The following OR1J2 variants were observed in gnomAD, a reference collection of about 807,000 sequenced individuals.
OR1J2 encodes the protein olfactory receptor family 1 subfamily J member 2.
For synonymous variants in OR1J2, 142 were observed against 99.7 expected (o/e 1.42, Z -2.52); for missense variants, 304 against 246.1 (o/e 1.24, Z -1.57).
the OR1J2 span, among the ~76,000 whole-genome samples, chr9:122,490,782 A>C: frequency 6.6e-6 from 1 of 152,224 alleles, no homozygotes; most frequent in African/African-American, 2.4e-5. Context: ...GGACCTTAGA[A>C]GCCATATTGA....
At chr9:122,553,517 A>G in the OR1J2 span, 13 of 1,613,950 alleles carry the variant, frequency 8.1e-6, no homozygotes, top group Non-Finnish European at 1.1e-5. Context: ...GGTGTCTTGC[A>G]CAGCTATATT....
downstream of OR1J2, among the ~76,000 whole-genome samples, chr9:122,512,718 C>G (rs1828654481): frequency 6.6e-6 from 1 of 152,090 alleles, no homozygotes; most frequent in South Asian, 2.1e-4. Context: ...ATCACGCCAA[C>G]CTATATATGT....
At chr9:122,492,933 TG>T in the OR1J2 span, among the ~76,000 whole-genome samples, 2 of 152,180 alleles carry the variant, frequency 1.3e-5, no homozygotes, top group African/African-American at 4.8e-5. Context: ...TGCTGGATTT[TG>T]TCAAATGCTT....
At chr9:122,575,913 G>A in the OR1J2 span, among the ~76,000 whole-genome samples, 1 of 151,994 alleles carries the variant, frequency 6.6e-6, no homozygotes, top group Non-Finnish European at 1.5e-5. Context: ...CCTACCTGTA[G>A]TAACTATTGT....
the OR1J2 span, among the ~76,000 whole-genome samples, chr9:122,478,875 G>GT: frequency 6.6e-6 from 1 of 151,844 alleles, no homozygotes; most frequent in Non-Finnish European, 1.5e-5. Context: ...CGCCTCCTGG[G>GT]TTCAAGCGAT....
the OR1J2 span, among the ~76,000 whole-genome samples, chr9:122,489,193 A>G: frequency 6.6e-6 from 1 of 152,184 alleles, no homozygotes; most frequent in Non-Finnish European, 1.5e-5. Context: ...TCAAACCCAA[A>G]TTAAAGGCAT....
the OR1J2 span, chr9:122,568,431 A>C: frequency 6.2e-7 from 1 of 1,611,798 alleles, no homozygotes; most frequent in Non-Finnish European, 8.5e-7. Flanking sequence ...GGAGAGTCCC[A>C]GGAGGATAAA....
the OR1J2 span, among the ~76,000 whole-genome samples, chr9:122,466,059 A>AT: frequency 6.6e-6 from 1 of 152,220 alleles, no homozygotes; most frequent in African/African-American, 2.4e-5. Flanking sequence ...TCGACTTATC[A>AT]TCCAGGTTTT....
At chr9:122,538,170 C>G in the OR1J2 span, among the ~76,000 whole-genome samples, 1 of 151,230 alleles carries the variant, frequency 6.6e-6, no homozygotes, top group African/African-American at 2.4e-5. Flanking sequence ...CTGCCCCTGC[C>G]TGGTACAAGT....
At chr9:122,536,074 G>A in the OR1J2 span, among the ~76,000 whole-genome samples, 1 of 152,128 alleles carries the variant, frequency 6.6e-6, no homozygotes, top group African/African-American at 2.4e-5. Context: ...AGTTAAGGCA[G>A]GAACCAGCCA....
At chr9:122,576,554 C>T in the OR1J2 span, among the ~76,000 whole-genome samples, 3 of 152,096 alleles carry the variant, frequency 2.0e-5, no homozygotes, top group African/African-American at 7.2e-5. Flanking sequence ...TTTATATTCA[C>T]TCATTGTTGG....
the OR1J2 span, chr9:122,553,314 C>G: frequency 6.2e-7 from 1 of 1,614,030 alleles, no homozygotes; most frequent in East Asian, 2.2e-5. Flanking sequence ...TGGCATCTTC[C>G]TTGGCATGTA....
chr9:122,565,295 A>G, the OR1J2 span, among the ~76,000 whole-genome samples: 4 of 152,222 alleles, frequency 2.6e-5, no homozygotes, highest in Non-Finnish European at 5.9e-5. Flanking sequence ...ATATGAAGAT[A>G]TCTGTGTCCC....
chr9:122,512,455 A>G (rs1053360683), downstream of OR1J2, among the ~76,000 whole-genome samples: 1 of 152,224 alleles, frequency 6.6e-6, no homozygotes, highest in Non-Finnish European at 1.5e-5. Context: ...GCCACATGCA[A>G]CAATGCTGTA....
chr9:122,505,639 T>G, the OR1J2 span, among the ~76,000 whole-genome samples: 1,354 of 152,296 alleles, frequency 8.9e-3, 20 homozygotes, highest in African/African-American at 0.031. Context: ...TCAAACATTA[T>G]TATCTCAAGC....
chr9:122,506,576 A>C (rs1486508687), upstream of OR1J2, among the ~76,000 whole-genome samples: 1 of 152,172 alleles, frequency 6.6e-6, no homozygotes, highest in Non-Finnish European at 1.5e-5. Flanking sequence ...TTATCCACCA[A>C]ACATTGGATC....
the OR1J2 span, among the ~76,000 whole-genome samples, chr9:122,503,832 T>G: frequency 6.6e-6 from 1 of 152,346 alleles, no homozygotes; most frequent in South Asian, 2.1e-4. Flanking sequence ...AATAACTTTT[T>G]GAGCAGGGAG....
chr9:122,465,849 A>G, the OR1J2 span, among the ~76,000 whole-genome samples: 3 of 151,868 alleles, frequency 2.0e-5, no homozygotes, highest in Non-Finnish European at 2.9e-5. Flanking sequence ...TTCCCTCTGG[A>G]TTCCTCAGCT....
At chr9:122,562,361 A>C in the OR1J2 span, among the ~76,000 whole-genome samples, 9 of 152,348 alleles carry the variant, frequency 5.9e-5, no homozygotes, top group South Asian at 1.7e-3. Flanking sequence ...AACTCCTCCC[A>C]GGAAGTCAGC....
Sources: allele counts gnomAD v4.1 joint callset (sites outside exome capture counted in the v4.1 genomes callset), GRCh38; gene constraint gnomAD v4.1.1; transcripts MANE v1.5; gene names NCBI Gene and HGNC (gene_info 2026-07-23, HGNC 2026-07-21).